The following TRPM3 variants were observed in gnomAD, a reference collection of about 807,000 sequenced individuals.
The protein encoded by TRPM3 is transient receptor potential cation channel subfamily M member 3.
Under a neutral mutation model 181.2 loss-of-function variants are expected in TRPM3, and 77 were observed. The observed-to-expected ratio is 0.42, with a 90% CI of 0.35 to 0.51. The LOEUF is 0.51. TRPM3 is among the 20% of genes least tolerant of loss of function. The probability of loss-of-function intolerance (pLI) is 0.01; values close to 1 mark genes in which losing one functional copy is unlikely to be tolerated. For missense variants in TRPM3, 1,759 were observed against 2,196.7 expected (o/e 0.80, Z 3.98); for synonymous variants, 745 against 796.4 (o/e 0.94, Z 1.09).
chr9:70,822,759 TTGTGTGTGTG>T (rs113090222), intron 6 of TRPM3, among the ~76,000 whole-genome samples: 14 of 147,202 alleles, frequency 9.5e-5, no homozygotes, highest in East Asian at 2.0e-4. Flanking sequence ...AAGATTTGTC[TTGTGTGTGTG>T]TGTGTGTGTG....
intron 1 of TRPM3, among the ~76,000 whole-genome samples, chr9:71,081,014 G>A (rs1299295979): frequency 1.3e-5 from 2 of 152,106 alleles, no homozygotes; most frequent in Non-Finnish European, 2.9e-5. Context: ...AAGGTGAGGG[G>A]AGAGAATAAA....
At chr9:70,782,370 C>A (rs1216842558) in intron 7 of TRPM3, among the ~76,000 whole-genome samples, 2 of 152,088 alleles carry the variant, frequency 1.3e-5, no homozygotes. Context: ...TGCCACCACA[C>A]CTGGCTAATT....
intron 1 of TRPM3, among the ~76,000 whole-genome samples, chr9:70,866,577 G>A (rs1353627830): frequency 6.6e-6 from 1 of 152,026 alleles, no homozygotes; most frequent in Admixed American, 6.6e-5. Context: ...GACCTGTCCA[G>A]GGTTGATTCT....
chr9:71,146,051 C>G (rs1362197904), intron 1 of TRPM3, among the ~76,000 whole-genome samples: 6 of 152,194 alleles, frequency 3.9e-5, no homozygotes, highest in African/African-American at 7.2e-5. Context: ...CATATTTCTA[C>G]TGTTTAGATC....
intron 1 of TRPM3, among the ~76,000 whole-genome samples, chr9:71,002,779 G>C (rs1018028721): frequency 1.3e-5 from 2 of 152,108 alleles, no homozygotes; most frequent in African/African-American, 4.8e-5. Flanking sequence ...GCAAGTTGTA[G>C]ATAAGATGAT....
chr9:71,380,955 G>A (rs540624569), intron 1 of TRPM3, among the ~76,000 whole-genome samples: 7 of 152,122 alleles, frequency 4.6e-5, no homozygotes, highest in East Asian at 1.9e-4. Flanking sequence ...TGAAGACGAC[G>A]ACAAAATGAA....
At chr9:70,642,099 A>G (rs2058144533) in intron 9 of TRPM3, among the ~76,000 whole-genome samples, 1 of 152,126 alleles carries the variant, frequency 6.6e-6, no homozygotes, top group Non-Finnish European at 1.5e-5. Flanking sequence ...ATCGGGGAGG[A>G]GGATAAAGAG....
At chr9:71,166,671 C>T (rs541314732) in intron 1 of TRPM3, among the ~76,000 whole-genome samples, 1 of 152,194 alleles carries the variant, frequency 6.6e-6, no homozygotes, top group South Asian at 2.1e-4. Context: ...TTTTTGTCTC[C>T]ATGTATTTCA....
chr9:71,163,900 G>T (rs1369220319), intron 1 of TRPM3, among the ~76,000 whole-genome samples: 1 of 152,160 alleles, frequency 6.6e-6, no homozygotes, highest in Non-Finnish European at 1.5e-5. Context: ...GAATTATCAA[G>T]AACTATAAAG....
chr9:71,152,881 A>G (rs2075804825), intron 1 of TRPM3, among the ~76,000 whole-genome samples: 1 of 152,182 alleles, frequency 6.6e-6, no homozygotes, highest in African/African-American at 2.4e-5. Flanking sequence ...TGTTTGGTAG[A>G]CATAAAGGAT....
intron 1 of TRPM3, among the ~76,000 whole-genome samples, chr9:71,175,088 T>A (rs928911243): frequency 6.6e-6 from 1 of 152,146 alleles, no homozygotes; most frequent in African/African-American, 2.4e-5. Flanking sequence ...GAGGTGAACA[T>A]GACCAGAGAT....
At chr9:70,871,143 A>G (rs1209357697) in intron 1 of TRPM3, among the ~76,000 whole-genome samples, 1 of 151,874 alleles carries the variant, frequency 6.6e-6, no homozygotes, top group Non-Finnish European at 1.5e-5. Context: ...AAGTGGGGGA[A>G]ATGAGAAGGT....
At chr9:71,357,494 T>C (rs2091951457) in intron 1 of TRPM3, among the ~76,000 whole-genome samples, 1 of 152,160 alleles carries the variant, frequency 6.6e-6, no homozygotes, top group South Asian at 2.1e-4. Flanking sequence ...CATACAAAGA[T>C]AGCAGTACTG....
chr9:70,784,036 T>A (rs572595943), intron 7 of TRPM3, 69 bp downstream of exon 7: 1 of 1,534,414 alleles, frequency 6.5e-7, no homozygotes, highest in South Asian at 1.3e-5. Context: ...ACTGAAAACA[T>A]AATCCACTCA....
intron 1 of TRPM3, among the ~76,000 whole-genome samples, chr9:71,169,694 C>A (rs1328915580): frequency 2.0e-5 from 3 of 151,908 alleles, no homozygotes; most frequent in African/African-American, 7.3e-5. Flanking sequence ...GTGTCTCACG[C>A]CTGTAATCCC....
chr9:71,248,900 T>C (rs2082186487), intron 1 of TRPM3, among the ~76,000 whole-genome samples: 1 of 152,190 alleles, frequency 6.6e-6, no homozygotes, highest in Admixed American at 6.5e-5. Context: ...CACTTAAAGA[T>C]ATACAGATAA....
intron 12 of TRPM3, among the ~76,000 whole-genome samples, chr9:70,626,264 G>A (rs2064581997): frequency 6.6e-6 from 1 of 152,144 alleles, no homozygotes. Flanking sequence ...GAAAGTCTGA[G>A]TGCATAGTGA....
At chr9:70,605,323 C>T (rs1046437708) in intron 19 of TRPM3, among the ~76,000 whole-genome samples, 1 of 152,128 alleles carries the variant, frequency 6.6e-6, no homozygotes, top group African/African-American at 2.4e-5. Flanking sequence ...TTTGCAGACA[C>T]AACTGTTGCA....
intron 8 of TRPM3, among the ~76,000 whole-genome samples, chr9:70,738,605 A>C (rs548447385): frequency 6.6e-6 from 1 of 152,206 alleles, no homozygotes; most frequent in South Asian, 2.1e-4. Context: ...CCAAACCCAA[A>C]CTCGGCAGAA....
Sources: allele counts gnomAD v4.1 joint callset (sites outside exome capture counted in the v4.1 genomes callset), GRCh38; gene constraint gnomAD v4.1.1; transcripts MANE v1.5; gene names NCBI Gene and HGNC (gene_info 2026-07-23, HGNC 2026-07-21).